Variants in ADAMTSL1 observed in about 807,000 individuals in gnomAD.
ADAMTSL1 encodes ADAMTS like 1.
ADAMTSL1 carries 126 observed loss-of-function variants against 201.8 expected under a neutral mutation model. The observed-to-expected ratio is 0.62, with a 90% confidence interval of 0.54 to 0.72. ADAMTSL1 has a LOEUF of 0.72. Among genes scored for constraint, ADAMTSL1 ranks in the 30% least tolerant of loss-of-function variants. The probability of loss-of-function intolerance (pLI) is 0.00; values close to 1 mark genes in which losing one functional copy is unlikely to be tolerated. For synonymous variants in ADAMTSL1, 1,121 were observed against 903.4 expected, an observed-to-expected ratio of 1.24 and a Z score of -4.32; for missense variants, 2,679 against 2,277.8, an observed-to-expected ratio of 1.18 and a Z score of -3.59.
intron 1 of ADAMTSL1, among the ~76,000 whole-genome samples, chr9:17,967,113 G>A (rs1028138068): frequency 2.5e-4 from 38 of 152,128 alleles, no homozygotes; most frequent in Admixed American, 2.3e-3. Context: ...GGGCACTAAA[G>A]GTAGCATTAT....
At chr9:18,114,876 A>C (rs994634095) in intron 1 of ADAMTSL1, among the ~76,000 whole-genome samples, 1 of 152,148 alleles carries the variant, frequency 6.6e-6, no homozygotes, top group Non-Finnish European at 1.5e-5. Context: ...AACAAGGTGG[A>C]GACAATTCTT....
At chr9:18,423,397 C>T (rs886395046) in intron 2 of ADAMTSL1, among the ~76,000 whole-genome samples, 1 of 152,216 alleles carries the variant, frequency 6.6e-6, no homozygotes, top group Non-Finnish European at 1.5e-5. Context: ...TCTGGTCCAA[C>T]TGATTCCCCG....
chr9:18,504,358 T>C (rs1007876398), intron 1 of ADAMTSL1, among the ~76,000 whole-genome samples: 1 of 152,200 alleles, frequency 6.6e-6, no homozygotes, highest in Admixed American at 6.5e-5. Context: ...AAACTAGGAA[T>C]GCAGTTGCTT....
intron 2 of ADAMTSL1, among the ~76,000 whole-genome samples, chr9:18,460,890 C>A (rs989585750): frequency 2.0e-5 from 3 of 152,056 alleles, no homozygotes; most frequent in Admixed American, 6.6e-5. Context: ...TAATAAGAAA[C>A]CTAAATCAAA....
chr9:17,914,754 A>G (rs1284998335), intron 1 of ADAMTSL1, among the ~76,000 whole-genome samples: 1 of 151,966 alleles, frequency 6.6e-6, no homozygotes, highest in Non-Finnish European at 1.5e-5. Context: ...AGATGACATG[A>G]TTGTATATCT....
chr9:18,908,373 C>A, intron 28 of ADAMTSL1, 69 bp from the exon 29 acceptor site: 2 of 1,337,800 alleles, frequency 1.5e-6, no homozygotes, highest in South Asian at 1.3e-5. Flanking sequence ...CTCACACAGG[C>A]TGCGTTCATT....
chr9:18,292,175 C>G lies in ADAMTSL1; in HGVS notation c.207+128194C>G, dbSNP rs140069728. Among the ~76,000 whole-genome samples the G allele has an allele frequency of 2.6e-5, 4 of 152,188 alleles. No individual in the cohort carries two copies. The East Asian group carries it at 7.8e-4, about 30-fold the overall frequency. ...TATCAATCCAAAGAAGGATCTGGAT[C>G]TGCGTGATCAGTCTCCAAGGGAAGC... is the stretch of plus-strand genomic sequence containing the variant. On this transcript the variant is annotated intron_variant, in intron 2 of 29. Coordinates refer to the ADAMTSL1 transcript ENST00000680146.
intron 1 of ADAMTSL1, among the ~76,000 whole-genome samples, chr9:18,088,735 A>G (rs767121285): frequency 6.6e-6 from 1 of 152,192 alleles, no homozygotes; most frequent in Non-Finnish European, 1.5e-5. Flanking sequence ...ATGAAAGACA[A>G]CAATGTTGGT....
At chr9:18,309,880 G>C (rs1419946278) in intron 2 of ADAMTSL1, among the ~76,000 whole-genome samples, 2 of 151,564 alleles carry the variant, frequency 1.3e-5, no homozygotes, top group Non-Finnish European at 2.9e-5. Context: ...ATATAGCCAA[G>C]ACATTCCTAA....
At chr9:18,859,779 A>T (rs1827093332) in intron 23 of ADAMTSL1, among the ~76,000 whole-genome samples, 1 of 152,210 alleles carries the variant, frequency 6.6e-6, no homozygotes. Context: ...GGAAACATGT[A>T]ATTATCTATA....
At chr9:17,969,395 T>TA (rs1818113211) in intron 1 of ADAMTSL1, among the ~76,000 whole-genome samples, 2 of 152,046 alleles carry the variant, frequency 1.3e-5, no homozygotes, top group African/African-American at 4.8e-5. Flanking sequence ...GAAGCTGAGA[T>TA]ACAGGAGGTA....
intron 4 of ADAMTSL1, among the ~76,000 whole-genome samples, chr9:18,596,737 T>C (rs11999519): frequency 0.011 from 1,717 of 152,322 alleles, 36 homozygotes; most frequent in African/African-American, 0.039. Context: ...CAGATTTTTA[T>C]TGAGCATCTA....
At chr9:17,975,754 T>C (rs1243332018) in intron 1 of ADAMTSL1, among the ~76,000 whole-genome samples, 1 of 152,140 alleles carries the variant, frequency 6.6e-6, no homozygotes, top group African/African-American at 2.4e-5. Flanking sequence ...ATTTTTGCTT[T>C]TGTTGCCTGT....
intron 1 of ADAMTSL1, among the ~76,000 whole-genome samples, chr9:18,044,958 T>C (rs1378976444): frequency 1.3e-5 from 2 of 152,180 alleles, no homozygotes; most frequent in Non-Finnish European, 2.9e-5. Flanking sequence ...CTTTTATTCC[T>C]AAATATGTTT....
At chr9:18,866,179 A>C (rs1255480803) in intron 23 of ADAMTSL1, among the ~76,000 whole-genome samples, 1 of 149,446 alleles carries the variant, frequency 6.7e-6, no homozygotes, top group Non-Finnish European at 1.5e-5. Context: ...CCGTGACAGA[A>C]AGGAACCTGT....
At chr9:18,562,711 T>A (rs1821604807) in intron 3 of ADAMTSL1, among the ~76,000 whole-genome samples, 1 of 152,210 alleles carries the variant, frequency 6.6e-6, no homozygotes, top group Non-Finnish European at 1.5e-5. Flanking sequence ...GCTTTGTTCA[T>A]TCCTTTTTAT....
At chr9:18,162,098 G>T (rs147303645) in intron 1 of ADAMTSL1, among the ~76,000 whole-genome samples, 1 of 151,986 alleles carries the variant, frequency 6.6e-6, no homozygotes, top group Non-Finnish European at 1.5e-5. Context: ...TCTCTGGTCC[G>T]TGTATTACTG....
At chr9:18,249,281 C>G (rs570576478) in intron 2 of ADAMTSL1, among the ~76,000 whole-genome samples, 1 of 152,158 alleles carries the variant, frequency 6.6e-6, no homozygotes, top group Admixed American at 6.5e-5. Context: ...ACATTCTAGA[C>G]GTGTCAAGTG....
rs1333226776 is a variant in ADAMTSL1, at chr9:17,925,254, G to A, written c.87+18332G>A. Among the ~76,000 whole-genome samples the A allele has an allele frequency of 9.9e-4, 120 of 121,720 alleles. 43 individuals are homozygous for A. In the East Asian group the frequency reaches 0.036, roughly 37 times the overall value. The allele number at this position is 121,720 out of a possible 152,430, so 79.9% of individuals were successfully genotyped here. On this transcript the variant is annotated intron_variant, in intron 1 of 29. Transcript: ENST00000680146. ...AAATAGGAACACTTTTACACTGTTA[G>A]TGGGACTGTAAACTAGTTCAACCAT...
Sources: gnomAD v4.1 joint callset for allele counts (sites outside exome capture counted in the v4.1 genomes callset) on GRCh38, gnomAD v4.1.1 for gene constraint, MANE v1.5 for transcripts, NCBI Gene and HGNC (gene_info 2026-07-23, HGNC 2026-07-21) for gene names.